YIPF5: variants seen among roughly 807,000 people sequenced by gnomAD.
YIPF5 encodes protein YIPF5.
A neutral mutation model predicts 30.4 loss-of-function variants in YIPF5; 8 were observed. That is an observed-to-expected ratio of 0.26 (90% CI 0.15 to 0.47). The LOEUF is 0.47. Ranked by LOEUF, YIPF5 falls within the 20% of genes least tolerant of loss-of-function variation. The pLI is 0.99. For missense variants in YIPF5, 282 were observed against 301.8 expected (o/e 0.93, Z 0.49); for synonymous variants, 104 against 107.9 (o/e 0.96, Z 0.23).
At position 144,169,922 on chromosome 5, in the gene YIPF5, A is replaced by G; in HGVS notation, c.34T>C (p.Tyr12His). 1 of 1,614,248 alleles carries G rather than the reference A, an allele frequency of 6.2e-7. No individual in the cohort carries two copies. Among genetic ancestry groups the G allele is most frequent in the Non-Finnish European group, 8.5e-7 (1 of 1,180,046 alleles). Residue 12 changes from tyrosine to histidine, a missense_variant, in exon 2 of 6, where the codon TAC becomes CAC. Tyr to His is a moderately conservative substitution (Grantham distance 83). Coordinates refer to ENST00000274496, the MANE Select transcript of YIPF5 (RefSeq NM_030799.9). ...TCATCGATGCTGTAACTTGTCTGGT[A>G]GAAATCCGTGTTTAAGTTTTCAAAG... is the stretch of plus-strand genomic sequence containing the variant. ...SGFENLNTDF[Y>H]QTSYSIDDQS...
chr5:144,163,233 TTA>T (rs1435623685), intron 4 of YIPF5, among the ~76,000 whole-genome samples: 1 of 152,188 alleles, frequency 6.6e-6, no homozygotes, highest in Non-Finnish European at 1.5e-5. Flanking sequence ...CCTCTACAGA[TTA>T]TGTTAAGAAA....
In YIPF5 at chr5:144,160,107, T is replaced by C. The variant is rs754817563; in HGVS notation, c.*290A>G. 124 of 1,079,552 alleles carry C rather than the reference T, an allele frequency of 1.1e-4. No individual in the cohort carries two copies. Among genetic ancestry groups the C allele is most frequent in the Non-Finnish European group, 1.3e-4 (119 of 892,100 alleles). 66.9% of individuals were successfully genotyped at this position (1,079,552 alleles called of 1,614,324 possible). A position where few individuals can be genotyped will look rare whatever the true frequency, so the allele number is the denominator to read the frequency against. Reference sequence around the variant, plus strand: ...TGATAAAAATCTATCAAAAACATTATAATTTGCAAGGAAAAAGGTTTTTCA... The same window carrying C: ...TGATAAAAATCTATCAAAAACATTACAATTTGCAAGGAAAAAGGTTTTTCA... On this transcript the variant is annotated 3_prime_UTR_variant, in exon 6 of 6. Coordinates refer to ENST00000274496, the MANE Select transcript of YIPF5 (RefSeq NM_030799.9).
At position 144,158,356 on chromosome 5, in the gene YIPF5, G is replaced by C; in HGVS notation, c.*2041C>G. ...AATAGCTTTGCACCTTATTATTTTG[G>C]AGCAAAATAAAAAATAACCACCACA... On this transcript the variant is annotated 3_prime_UTR_variant, in exon 6 of 6. Transcript: ENST00000274496. 9.6e-7 allele frequency: 1 copy of C among 1,045,454 alleles called. No individual in the cohort carries two copies. Among genetic ancestry groups the C allele is most frequent in the Non-Finnish European group, 1.3e-6 (1 of 785,118 alleles). The allele number at this position is 1,045,454 out of a possible 1,614,324, so 64.8% of individuals were successfully genotyped here.
At chr5:144,169,760 AT>A in intron 2 of YIPF5, 85 bp downstream of exon 2, 1 of 1,090,590 alleles carries the variant, frequency 9.2e-7, no homozygotes, top group Non-Finnish European at 1.4e-6. Context: ...ACATGTTCAC[AT>A]ATTGTTTTAG....
At chr5:144,162,493 G>C (rs1332759502) in intron 4 of YIPF5, 94 bp from the exon 5 acceptor site, 5 of 1,154,510 alleles carry the variant, frequency 4.3e-6, no homozygotes, top group Non-Finnish European at 6.2e-6. Flanking sequence ...AATAATTTAT[G>C]AGCATCAAAA....
intron 4 of YIPF5, 110 bp downstream of exon 4, chr5:144,164,001 A>T: frequency 7.4e-7 from 1 of 1,353,900 alleles, no homozygotes; most frequent in South Asian, 1.4e-5. Flanking sequence ...TTCCAAACAC[A>T]TCAAAGACTT....
Position 144,159,711 on chromosome 5 carries a change from T to TTC in YIPF5, c.*685_*686insGA, listed in dbSNP as rs1203535148. ...TGCAGTAAGTCTTGTGTCTCCTTTT[T>TTC]TTTTTTTTTTTGAGACAGAGTCTCA... On this transcript the variant is annotated 3_prime_UTR_variant, in exon 6 of 6. Transcript: ENST00000274496. 8.2e-6 allele frequency: 8 copies of TTC among 978,112 alleles called. No individual in the cohort carries two copies. In the South Asian group the frequency reaches 2.4e-4, roughly 29 times the overall value. 60.6% of individuals were successfully genotyped at this position (978,112 alleles called of 1,614,324 possible). A position where few individuals can be genotyped will look rare whatever the true frequency, so the allele number is the denominator to read the frequency against.
Position 144,159,102 on chromosome 5 carries a change from C to T in YIPF5, c.*1295G>A, listed in dbSNP as rs6868379. 155,510 of 980,100 alleles carry T rather than the reference C, an allele frequency of 0.16. 12,747 individuals are homozygous for T. Among genetic ancestry groups the T allele is most frequent in the Admixed American group, 0.25 (4,018 of 16,260 alleles). The allele number at this position is 980,100 out of a possible 1,614,324, so 60.7% of individuals were successfully genotyped here. Reference sequence around the variant, plus strand: ...CAATATAAATCAAATAAATTTAATACAATAAAATAATGTAACTCAAACTGC... The same window carrying T: ...CAATATAAATCAAATAAATTTAATATAATAAAATAATGTAACTCAAACTGC... On this transcript the variant is annotated 3_prime_UTR_variant, in exon 6 of 6. Transcript: ENST00000274496.
rs1000841053 is a variant in YIPF5, at chr5:144,165,752, T to C, written c.111-148A>G. On this transcript the variant is annotated intron_variant, in intron 2 of 5. Coordinates refer to ENST00000274496, the MANE Select transcript of YIPF5 (RefSeq NM_030799.9). ...AAACTTTGCCAATTTTTATAAATCA[T>C]GGTTGAAATGATCACTAAGATCAAG... 1.1e-4 allele frequency: 75 copies of C among 658,260 alleles called. 1 individual carries two copies. The African/African-American group carries it at 1.3e-3, about 11-fold the overall frequency. 40.8% of individuals were successfully genotyped at this position (658,260 alleles called of 1,614,324 possible). A position where few individuals can be genotyped will look rare whatever the true frequency, so the allele number is the denominator to read the frequency against.
intron 2 of YIPF5, among the ~76,000 whole-genome samples, chr5:144,166,809 A>G (rs1467229194): frequency 6.6e-6 from 1 of 152,152 alleles, no homozygotes; most frequent in African/African-American, 2.4e-5. Context: ...GGGTTTAATA[A>G]AAAGATAATT....
chr5:144,160,533 G>A lies in YIPF5; in HGVS notation c.638C>T (p.Ala213Val). The change falls in exon 6 of 6, where the codon GCT (alanine) becomes GTT (valine). Residue 213 changes from alanine to valine, a missense_variant. Transcript: ENST00000274496. The stretch of plus-strand genomic sequence containing the variant: ...AAAACTACACCATCCAATAATCCCA[G>A]CAGTGAGAATGATTCCTACCATTCC... The part of the protein sequence containing the change: ...LQGMVGIILT[A>V]GIIGWCSFSA... 1 of 1,613,748 alleles carries A rather than the reference G, an allele frequency of 6.2e-7. No homozygotes were observed. Among genetic ancestry groups the A allele is most frequent in the South Asian group, 1.1e-5 (1 of 91,048 alleles).
intron 4 of YIPF5, 52 bp downstream of exon 4, chr5:144,164,059 A>T (rs1293161906): frequency 6.3e-6 from 10 of 1,593,492 alleles, no homozygotes; most frequent in Non-Finnish European, 8.5e-6. Flanking sequence ...AACATTTAAA[A>T]TTTAAAGGCT....
At chr5:144,167,257 C>G (rs986757186) in intron 2 of YIPF5, among the ~76,000 whole-genome samples, 1 of 152,132 alleles carries the variant, frequency 6.6e-6, no homozygotes, top group African/African-American at 2.4e-5. Flanking sequence ...TTTTCCTTTT[C>G]TGGCAGGACC....
intron 3 of YIPF5, among the ~76,000 whole-genome samples, chr5:144,165,216 C>T (rs776370684): frequency 3.3e-5 from 5 of 152,196 alleles, no homozygotes; most frequent in Non-Finnish European, 5.9e-5. Flanking sequence ...TAGTAACATA[C>T]TTTATTATCA....
intron 1 of YIPF5, chr5:144,170,313 C>T (rs746437741): frequency 1.0e-5 from 2 of 191,490 alleles, no homozygotes; most frequent in Non-Finnish European, 2.2e-5. Context: ...GCTGACAAGG[C>T]GACTGCTTCC....
At chr5:144,163,242 GA>G (rs1298759579) in intron 4 of YIPF5, among the ~76,000 whole-genome samples, 1 of 151,684 alleles carries the variant, frequency 6.6e-6, no homozygotes, top group Non-Finnish European at 1.5e-5. Flanking sequence ...ATTATGTTAA[GA>G]AAAAAAATTA....
At chr5:144,161,489 G>A (rs1157256842) in intron 5 of YIPF5, among the ~76,000 whole-genome samples, 4 of 151,740 alleles carry the variant, frequency 2.6e-5, no homozygotes, top group Non-Finnish European at 5.9e-5. Flanking sequence ...GGATTACACA[G>A]GCATGTGCTA....
At chr5:144,170,276 T>C (rs955861204) in intron 1 of YIPF5, 6 of 299,388 alleles carry the variant, frequency 2.0e-5, no homozygotes, top group Admixed American at 4.8e-5. Flanking sequence ...ACAAAGATGA[T>C]TTTTCACCTT....
At chr5:144,168,679 T>C (rs1228389589) in intron 2 of YIPF5, among the ~76,000 whole-genome samples, 1 of 152,168 alleles carries the variant, frequency 6.6e-6, no homozygotes, top group Non-Finnish European at 1.5e-5. Flanking sequence ...TGTTAAGTTT[T>C]AGAGGGGAAA....
Sources: allele counts gnomAD v4.1 joint callset (sites outside exome capture counted in the v4.1 genomes callset), GRCh38; gene constraint gnomAD v4.1.1; transcripts MANE v1.5; gene names NCBI Gene and HGNC (gene_info 2026-07-23, HGNC 2026-07-21).